The following NEK9 variants were observed in gnomAD, a reference collection of about 807,000 sequenced individuals.
NEK9 encodes NIMA related kinase 9.
NEK9 carries 75 observed loss-of-function variants against 123.4 expected under a neutral mutation model. The observed-to-expected ratio is 0.61, with a 90% CI of 0.50 to 0.74. The LOEUF (loss-of-function observed/expected upper bound fraction) is 0.74, where lower values mean the gene tolerates loss of function less well. Among genes scored for constraint, NEK9 ranks in the 30% least tolerant of loss-of-function variants. The pLI is 0.00. For synonymous variants in NEK9, 438 were observed against 458.7 expected, an observed-to-expected ratio of 0.95 and a Z score of 0.58; for missense variants, 952 against 1,214.4, an observed-to-expected ratio of 0.78 and a Z score of 3.21.
intron 5 of NEK9, among the ~76,000 whole-genome samples, chr14:75,118,525 AC>A (rs1895214600): frequency 6.6e-6 from 1 of 152,218 alleles, no homozygotes; most frequent in South Asian, 2.1e-4. Context: ...TTGAGCTCAA[AC>A]ATTAAATAAG....
intron 16 of NEK9, among the ~76,000 whole-genome samples, chr14:75,098,962 GT>G (rs1022608138): frequency 6.6e-6 from 1 of 152,162 alleles, no homozygotes; most frequent in African/African-American, 2.4e-5. Context: ...GACCTAAACA[GT>G]TTGCTCCTTA....
intron 2 of NEK9, among the ~76,000 whole-genome samples, chr14:75,122,651 C>T (rs761586472): frequency 2.6e-5 from 4 of 152,056 alleles, no homozygotes; most frequent in Middle Eastern, 3.4e-3. Flanking sequence ...ATTACAGGCA[C>T]GCGCCACCAT....
At chr14:75,099,961 T>C (rs1445214701) in intron 16 of NEK9, among the ~76,000 whole-genome samples, 1 of 150,442 alleles carries the variant, frequency 6.6e-6, no homozygotes, top group East Asian at 2.0e-4. Flanking sequence ...AAACCCTGTC[T>C]GTACTAAAAA....
At chr14:75,122,661 T>G (rs1009066845) in intron 2 of NEK9, among the ~76,000 whole-genome samples, 3 of 151,536 alleles carry the variant, frequency 2.0e-5, no homozygotes, top group Non-Finnish European at 4.4e-5. Flanking sequence ...CGCGCCACCA[T>G]GCACAGCTAA....
At chr14:75,109,479 T>A (rs2139774668) in intron 10 of NEK9, among the ~76,000 whole-genome samples, 1 of 152,222 alleles carries the variant, frequency 6.6e-6, no homozygotes, top group Middle Eastern at 3.4e-3. Context: ...CAAAAAACAT[T>A]TATAGGTGAC....
rs1341860275 is a variant in NEK9, at chr14:75,088,598, G to T, written c.2486C>A (p.Ser829Tyr). The part of the protein sequence containing the change: ...AEFIPMPDSP[S>Y]PLSAAFSESE... ...TTCTGAAAACGCTGCACTGAGAGGA[G>T]ATGGGCTGTCAGGCATGGGGATAAA... The change falls in exon 20 of 22, where the codon TCT becomes TAT. Residue 829 changes from serine to tyrosine, a missense_variant. Physicochemically the swap from Ser to Tyr is moderately radical, Grantham distance 144. This residue lies in a region of NEK9 where 698 missense variants were observed against 875.6 expected (regional missense o/e 0.80). Coordinates refer to ENST00000238616, the MANE Select transcript of NEK9 (RefSeq NM_033116.6). 1.2e-6 allele frequency: 2 copies of T among 1,614,072 alleles called. No homozygotes were observed. Among genetic ancestry groups the T allele is most frequent in the South Asian group, 2.2e-5 (2 of 91,078 alleles).
chr14:75,098,318 T>A (rs1040487764), intron 16 of NEK9, among the ~76,000 whole-genome samples: 43 of 151,152 alleles, frequency 2.8e-4, no homozygotes, highest in East Asian at 1.4e-3. Context: ...ATCAGGCTTT[T>A]AAAAAAAAAT....
chr14:75,082,784 C>A lies in NEK9; in HGVS notation c.*1780G>T, dbSNP rs1190684560. The A allele has an allele frequency of 2.5e-6, 1 of 393,276 alleles. No homozygotes were observed. The highest frequency in any genetic ancestry group is 1.4e-4 in the South Asian group (1 of 6,960). 24.4% of individuals were successfully genotyped at this position (393,276 alleles called of 1,614,324 possible). A position where few individuals can be genotyped will look rare whatever the true frequency, so the allele number is the denominator to read the frequency against. The stretch of plus-strand genomic sequence containing the variant: ...ACAGGGACATGACAGGTCAATCGGT[C>A]CTCAAGAAAATCAAAGTTGCATTTA... On this transcript the variant is annotated 3_prime_UTR_variant, in exon 22 of 22. Transcript: ENST00000238616.
intron 19 of NEK9, among the ~76,000 whole-genome samples, chr14:75,089,963 C>T (rs1253696315): frequency 6.6e-6 from 1 of 152,180 alleles, no homozygotes; most frequent in Non-Finnish European, 1.5e-5. Context: ...TCCCAAAGTG[C>T]TGGGATTACA....
rs1210330932 is a variant in NEK9, at chr14:75,103,754, T to G, written c.1731+88A>C. ...AGACCATAACTAAAGTCAAATTCCA[T>G]GGTCACTAACCAATAATGGCATCTC... On this transcript the variant is annotated intron_variant, in intron 14 of 21. Coordinates refer to ENST00000238616, the MANE Select transcript of NEK9 (RefSeq NM_033116.6). 5 of 1,405,700 alleles carry G rather than the reference T, an allele frequency of 3.6e-6. No homozygotes were observed. The South Asian group carries it at 6.9e-5, about 19-fold the overall frequency. The allele number at this position is 1,405,700 out of a possible 1,614,324, so 87.1% of individuals were successfully genotyped here.
chr14:75,109,135 G>A (rs1594841924), intron 10 of NEK9, among the ~76,000 whole-genome samples: 1 of 152,212 alleles, frequency 6.6e-6, no homozygotes, highest in African/African-American at 2.4e-5. Flanking sequence ...TGCATTGTAG[G>A]TGAATGAAGA....
At chr14:75,117,365 C>T in intron 5 of NEK9, 39 bp from the exon 6 acceptor site, 4 of 1,576,488 alleles carry the variant, frequency 2.5e-6, no homozygotes, top group South Asian at 2.3e-5. Flanking sequence ...AACTTCTTTT[C>T]TGAGGTAACT....
intron 13 of NEK9, 80 bp downstream of exon 13, chr14:75,105,870 A>G: frequency 9.0e-7 from 1 of 1,114,770 alleles, no homozygotes; most frequent in Non-Finnish European, 1.4e-6. Flanking sequence ...TTGATACAAC[A>G]GAGCCAAGGA....
intron 5 of NEK9, among the ~76,000 whole-genome samples, chr14:75,118,415 A>T (rs1263766659): frequency 6.6e-6 from 1 of 152,226 alleles, no homozygotes; most frequent in African/African-American, 2.4e-5. Flanking sequence ...GTATAATATT[A>T]AAGAATGGAT....
chr14:75,117,676 G>A (rs1022443475), intron 5 of NEK9, among the ~76,000 whole-genome samples: 2 of 152,058 alleles, frequency 1.3e-5, no homozygotes, highest in Non-Finnish European at 2.9e-5. Flanking sequence ...TCACCAATGG[G>A]AAAAAAATCC....
At chr14:75,098,528 C>G (rs1566645648) in intron 16 of NEK9, among the ~76,000 whole-genome samples, 1 of 152,118 alleles carries the variant, frequency 6.6e-6, no homozygotes, top group Non-Finnish European at 1.5e-5. Context: ...GGAACAAGCT[C>G]ACTTTGGAGA....
chr14:75,088,552 G>C lies in NEK9; in HGVS notation c.2532C>G (p.Pro844=). The C allele has an allele frequency of 6.2e-7, 1 of 1,614,036 alleles. No homozygotes were observed. Among genetic ancestry groups the C allele is most frequent in the Non-Finnish European group, 8.5e-7 (1 of 1,179,990 alleles). ...AFSESEKDTL[P]YEELQGLKVA... ...CTTTGAGTCCTTGCAGCTCTTCATA[G>C]GGCAGGGTATCTTTCTCAGATTCTG... The change falls in exon 20 of 22, where the codon CCC becomes CCG. Residue 844 remains proline (P), a synonymous_variant. Coordinates refer to ENST00000238616, the MANE Select transcript of NEK9 (RefSeq NM_033116.6).
In NEK9 at chr14:75,117,505, C is replaced by A. The variant is rs175458; in HGVS notation, c.631-179G>T. 9.2e-3 allele frequency among the ~76,000 whole-genome samples: 1,408 copies of A among 152,264 alleles called. 10 individuals are homozygous for A. Among genetic ancestry groups the A allele is most frequent in the Middle Eastern group, 0.017 (5 of 294 alleles). On this transcript the variant is annotated intron_variant, in intron 5 of 21. Coordinates refer to ENST00000238616, the MANE Select transcript of NEK9 (RefSeq NM_033116.6). The stretch of plus-strand genomic sequence containing the variant: ...CTATGGAAAGAAATCTTATTCATAT[C>A]AAACCTCTTGGGTCAATTATAAAGG...
chr14:75,106,384 A>G, intron 12 of NEK9, 118 bp downstream of exon 12: 3 of 735,390 alleles, frequency 4.1e-6, no homozygotes, highest in Admixed American at 2.8e-5. Context: ...AAAAAAAAAA[A>G]AGATTTACTG....
Sources: gnomAD v4.1 joint callset for allele counts (sites outside exome capture counted in the v4.1 genomes callset) on GRCh38, gnomAD v4.1.1 for gene constraint, gnomAD v4.1.1 regional missense constraint, MANE v1.5 for transcripts, NCBI Gene and HGNC (gene_info 2026-07-23, HGNC 2026-07-21) for gene names.